Variants in ADGRB3 observed in about 807,000 individuals in gnomAD.
ADGRB3 encodes adhesion G protein-coupled receptor B3, also known as brain-specific angiogenesis inhibitor 3.
A neutral mutation model predicts 193.4 loss-of-function variants in ADGRB3; 37 were observed. That is an observed-to-expected ratio of 0.19 (90% CI 0.15 to 0.25). The LOEUF is 0.25. Among genes scored for constraint, ADGRB3 ranks in the 10% least tolerant of loss-of-function variants. The probability of loss-of-function intolerance (pLI) is 1.00; values close to 1 mark genes in which losing one functional copy is unlikely to be tolerated. For missense variants in ADGRB3, 1,637 were observed against 1,852.9 expected (o/e 0.88, Z 2.14); for synonymous variants, 690 against 644.2 (o/e 1.07, Z -1.08).
chr6:69,309,304 C>A (rs1054292280), intron 20 of ADGRB3, among the ~76,000 whole-genome samples: 1 of 151,552 alleles, frequency 6.6e-6, no homozygotes, highest in African/African-American at 2.4e-5. Flanking sequence ...TGTGATGATA[C>A]AAGACAAAGT....
At chr6:69,031,301 G>T (rs914810254) in intron 13 of ADGRB3, among the ~76,000 whole-genome samples, 1 of 151,250 alleles carries the variant, frequency 6.6e-6, no homozygotes, top group African/African-American at 2.4e-5. Context: ...TTAACCGGGC[G>T]CAGTGGTTGG....
intron 3 of ADGRB3, among the ~76,000 whole-genome samples, chr6:68,915,781 A>G (rs1766862340): frequency 6.6e-6 from 1 of 151,790 alleles, no homozygotes; most frequent in South Asian, 2.1e-4. Context: ...AAAAAAAACT[A>G]CCCAAGAAAA....
chr6:69,368,668 G>T (rs1036284365), intron 29 of ADGRB3, among the ~76,000 whole-genome samples: 3 of 151,954 alleles, frequency 2.0e-5, no homozygotes, highest in African/African-American at 7.2e-5. Context: ...CCAACAAAGG[G>T]GACTTCAGCA....
intron 11 of ADGRB3, among the ~76,000 whole-genome samples, chr6:68,998,210 G>A (rs896366612): frequency 1.3e-5 from 2 of 152,026 alleles, no homozygotes; most frequent in Admixed American, 1.3e-4. Context: ...CCTTACTGAG[G>A]GACAGCATTA....
At chr6:68,993,523 G>A (rs1434562057) in intron 10 of ADGRB3, among the ~76,000 whole-genome samples, 2 of 152,060 alleles carry the variant, frequency 1.3e-5, no homozygotes, top group African/African-American at 2.4e-5. Context: ...TGAATTGTGT[G>A]TTCTAACTAG....
chr6:69,251,510 T>C (rs1354945245), intron 20 of ADGRB3, among the ~76,000 whole-genome samples: 1 of 152,186 alleles, frequency 6.6e-6, no homozygotes, highest in African/African-American at 2.4e-5. Flanking sequence ...CATTAAATAT[T>C]TTTAAGTGAA....
chr6:69,071,214 A>G (rs756989857), intron 16 of ADGRB3, among the ~76,000 whole-genome samples: 5 of 152,188 alleles, frequency 3.3e-5, no homozygotes, highest in Admixed American at 6.5e-5. Context: ...GGGTAATATA[A>G]CATAGTTGAG....
At chr6:69,347,949 T>C (rs1769137777) in intron 26 of ADGRB3, among the ~76,000 whole-genome samples, 1 of 152,192 alleles carries the variant, frequency 6.6e-6, no homozygotes, top group Non-Finnish European at 1.5e-5. Context: ...CATATTCTTA[T>C]ATACCTTTCC....
intron 3 of ADGRB3, among the ~76,000 whole-genome samples, chr6:68,867,508 G>A (rs1429830139): frequency 6.6e-6 from 1 of 152,214 alleles, no homozygotes; most frequent in Non-Finnish European, 1.5e-5. Context: ...ATGTGGGGTT[G>A]GAGCCCCCAC....
At chr6:69,204,127 C>T (rs1765488138) in intron 17 of ADGRB3, among the ~76,000 whole-genome samples, 1 of 152,142 alleles carries the variant, frequency 6.6e-6, no homozygotes, top group South Asian at 2.1e-4. Context: ...CTTCTGGATA[C>T]ATTAACTTAA....
chr6:69,248,798 AAGGTGAGGCC>A (rs1766551572), intron 20 of ADGRB3, among the ~76,000 whole-genome samples: 1 of 152,176 alleles, frequency 6.6e-6, no homozygotes, highest in Non-Finnish European at 1.5e-5. Context: ...ACTACAATGT[AAGGTGAGGCC>A]AGCCTATTTC....
chr6:69,245,826 T>C (rs1053865899), intron 20 of ADGRB3, among the ~76,000 whole-genome samples: 21 of 152,148 alleles, frequency 1.4e-4, no homozygotes, highest in Admixed American at 5.9e-4. Flanking sequence ...ACTATACACT[T>C]CTTAGGGCAG....
intron 20 of ADGRB3, among the ~76,000 whole-genome samples, chr6:69,285,985 G>A (rs1183415042): frequency 1.3e-5 from 2 of 152,024 alleles, no homozygotes; most frequent in Non-Finnish European, 2.9e-5. Context: ...TCATGCCTGT[G>A]CTTTCCAATA....
At chr6:69,004,244 C>G (rs1423871327) in intron 11 of ADGRB3, among the ~76,000 whole-genome samples, 7 of 152,126 alleles carry the variant, frequency 4.6e-5, no homozygotes, top group Non-Finnish European at 7.4e-5. Flanking sequence ...GTTCTGGAGG[C>G]TAGATCTCCA....
intron 17 of ADGRB3, among the ~76,000 whole-genome samples, chr6:69,167,947 A>G (rs1775171956): frequency 6.6e-6 from 1 of 152,154 alleles, no homozygotes; most frequent in Non-Finnish European, 1.5e-5. Context: ...AGGAACAAAG[A>G]AATCTCTAAA....
intron 4 of ADGRB3, among the ~76,000 whole-genome samples, chr6:68,931,540 T>A (rs1767338058): frequency 6.6e-6 from 1 of 152,166 alleles, no homozygotes; most frequent in African/African-American, 2.4e-5. Context: ...TATCTATGTC[T>A]TAAAAAATTG....
At chr6:68,769,700 ATAAG>A (rs1025435016) in intron 3 of ADGRB3, among the ~76,000 whole-genome samples, 11 of 152,092 alleles carry the variant, frequency 7.2e-5, no homozygotes, top group African/African-American at 2.4e-4. Flanking sequence ...CACAAAATAA[ATAAG>A]TCTTTATTCT....
chr6:68,819,275 C>T (rs1767702506), intron 3 of ADGRB3, among the ~76,000 whole-genome samples: 2 of 152,014 alleles, frequency 1.3e-5, no homozygotes, highest in Non-Finnish European at 2.9e-5. Flanking sequence ...CACCATCTGA[C>T]TGCCTGACCA....
chr6:68,860,472 T>A (rs1161179133), intron 3 of ADGRB3, among the ~76,000 whole-genome samples: 4 of 152,220 alleles, frequency 2.6e-5, no homozygotes, highest in Non-Finnish European at 4.4e-5. Context: ...CACTTATAAA[T>A]GAGGATAAAT....
Sources: gnomAD v4.1 joint callset for allele counts (sites outside exome capture counted in the v4.1 genomes callset) on GRCh38, gnomAD v4.1.1 for gene constraint, MANE v1.5 for transcripts, NCBI Gene and HGNC (gene_info 2026-07-23, HGNC 2026-07-21) for gene names.